Variants in SPATA22 observed in about 807,000 individuals in gnomAD.
SPATA22 encodes spermatogenesis-associated protein 22.
In SPATA22, 29 loss-of-function variants were observed where a neutral mutation model predicts 47.8. The ratio of observed to expected loss-of-function variants is 0.61; its 90% confidence interval spans 0.45 to 0.83. The LOEUF (loss-of-function observed/expected upper bound fraction) is 0.83, where lower values mean the gene tolerates loss of function less well. SPATA22 is among the 40% of genes least tolerant of loss of function. SPATA22 has a pLI of 0.00. For missense variants in SPATA22, 410 were observed against 421.7 expected (o/e 0.97, Z 0.24); for synonymous variants, 133 against 140.9 (o/e 0.94, Z 0.40).
At chr17:3,463,104 A>G (rs2073166436) in intron 3 of SPATA22, among the ~76,000 whole-genome samples, 1 of 152,260 alleles carries the variant, frequency 6.6e-6, no homozygotes, top group Non-Finnish European at 1.5e-5. Context: ...AAAGAAATAC[A>G]TCATAACTCA....
At chr17:3,480,112 AGGCCAGGTGT>A (rs2073601617) in intron 1 of SPATA22, among the ~76,000 whole-genome samples, 1 of 152,180 alleles carries the variant, frequency 6.6e-6, no homozygotes, top group African/African-American at 2.4e-5. Flanking sequence ...ATCTCTAATT[AGGCCAGGTGT>A]GGCTGCTCAT....
intron 5 of SPATA22, among the ~76,000 whole-genome samples, chr17:3,456,999 C>G (rs1372358031): frequency 4.0e-5 from 6 of 151,848 alleles, no homozygotes; most frequent in Admixed American, 1.3e-4. Context: ...AATTCAACAA[C>G]CCTTCATGCT....
intron 1 of SPATA22, among the ~76,000 whole-genome samples, chr17:3,507,787 G>A (rs1017064408): frequency 1.3e-5 from 2 of 152,174 alleles, no homozygotes; most frequent in African/African-American, 4.8e-5. Context: ...AAGGCTGAAC[G>A]CATTGAAGGA....
At chr17:3,443,599 T>C (rs1465928146) in intron 7 of SPATA22, among the ~76,000 whole-genome samples, 1 of 151,960 alleles carries the variant, frequency 6.6e-6, no homozygotes, top group Non-Finnish European at 1.5e-5. Context: ...ATTATAATAA[T>C]AAAATGCACA....
chr17:3,482,686 T>G (rs1031553331), intron 1 of SPATA22, among the ~76,000 whole-genome samples: 15 of 152,194 alleles, frequency 9.9e-5, no homozygotes, highest in African/African-American at 3.4e-4. Flanking sequence ...TGGCCTATAG[T>G]AAAGATTATT....
chr17:3,506,757 T>C (rs2074043875), intron 1 of SPATA22, among the ~76,000 whole-genome samples: 7 of 152,076 alleles, frequency 4.6e-5, no homozygotes, highest in Admixed American at 3.9e-4. Context: ...CTGGCCAACA[T>C]GGTGAAACCC....
chr17:3,469,450 C>A, intron 1 of SPATA22, 52 bp from the exon 2 acceptor site: 1 of 700,754 alleles, frequency 1.4e-6, no homozygotes, highest in Non-Finnish European at 2.3e-6. Context: ...AAAACCCAAT[C>A]CTCAGCCCAG....
Position 3,498,891 on chromosome 17 carries a change from G to A in SPATA22, c.-74+14521C>T, listed in dbSNP as rs772408129. Reference sequence around the variant, plus strand: ...ATTTATTTTGATTGTTTCCTGAGAGGATCAAGACTGGAAACCACTGCATCC... The same window carrying A: ...ATTTATTTTGATTGTTTCCTGAGAGAATCAAGACTGGAAACCACTGCATCC... On this transcript the variant is annotated intron_variant, in intron 1 of 8. Transcript: ENST00000541913. 4 of 1,574,944 alleles carry A rather than the reference G, an allele frequency of 2.5e-6. No homozygotes were observed. Among genetic ancestry groups the A allele is most frequent in the Non-Finnish European group, 3.4e-6 (4 of 1,162,198 alleles).
At chr17:3,473,109 T>TA (rs34905771), upstream of SPATA22, among the ~76,000 whole-genome samples, 3,028 of 129,306 alleles carry the variant, frequency 0.023, 38 homozygotes, top group African/African-American at 0.033. Flanking sequence ...GATTTTTCAT[T>TA]AAAAAAAAAA....
chr17:3,444,543 T>A (rs537628529), intron 7 of SPATA22, among the ~76,000 whole-genome samples: 2 of 152,042 alleles, frequency 1.3e-5, no homozygotes, highest in Non-Finnish European at 2.9e-5. Flanking sequence ...CAGAAGCTTC[T>A]GGAGAGACTA....
intron 5 of SPATA22, among the ~76,000 whole-genome samples, chr17:3,457,518 A>G (rs1013900866): frequency 6.6e-6 from 1 of 152,202 alleles, no homozygotes; most frequent in Admixed American, 6.5e-5. Context: ...GACTCTGAAT[A>G]GCCAAAACAA....
chr17:3,464,033 C>T (rs1289023490), intron 3 of SPATA22, among the ~76,000 whole-genome samples: 1 of 150,830 alleles, frequency 6.6e-6, no homozygotes, highest in African/African-American at 2.4e-5. Context: ...CATGCCAAGC[C>T]GAAGCTGGAC....
chr17:3,467,690 T>G, intron 2 of SPATA22, 136 bp from the exon 3 acceptor site: 1 of 645,720 alleles, frequency 1.5e-6, no homozygotes, highest in Non-Finnish European at 2.3e-6. Flanking sequence ...TTCTATAACC[T>G]TAGAATGATT....
chr17:3,498,465 A>G (rs2073944674), intron 1 of SPATA22, among the ~76,000 whole-genome samples: 1 of 152,006 alleles, frequency 6.6e-6, no homozygotes, highest in Non-Finnish European at 1.5e-5. Context: ...CTCCCACCTC[A>G]GCCTCCTGAG....
intron 1 of SPATA22, among the ~76,000 whole-genome samples, chr17:3,487,630 T>C (rs750195112): frequency 2.0e-5 from 3 of 152,232 alleles, no homozygotes; most frequent in Admixed American, 6.5e-5. Flanking sequence ...TTTGGATATT[T>C]AGCTTACTCT....
Position 3,443,246 on chromosome 17 carries a change from A to G in SPATA22, c.828T>C (p.Pro276=). The stretch of plus-strand genomic sequence containing the variant: ...GAAAAGTCTTCGAATAATATGGGCC[A>G]GGTGTAACAGCTGAATCAAGAACAG... ...VLAVLDSAVT[P]GPYYSKTFLM... The change falls in exon 8 of 9, where the codon CCT becomes CCC. Residue 276 remains proline (P), a synonymous_variant. Transcript: ENST00000572969. The G allele has an allele frequency of 6.2e-7, 1 of 1,610,630 alleles. No homozygotes were observed. Among genetic ancestry groups the G allele is most frequent in the Non-Finnish European group, 8.5e-7 (1 of 1,178,070 alleles).
At chr17:3,463,866 G>A (rs1382025047) in intron 3 of SPATA22, among the ~76,000 whole-genome samples, 3 of 151,674 alleles carry the variant, frequency 2.0e-5, no homozygotes, top group African/African-American at 7.3e-5. Flanking sequence ...TTATACCTCA[G>A]ACTGATTAAT....
At chr17:3,473,156 A>C (rs1306831165), upstream of SPATA22, among the ~76,000 whole-genome samples, 1 of 148,716 alleles carries the variant, frequency 6.7e-6, no homozygotes, top group Non-Finnish European at 1.5e-5. Context: ...TTCTGTAGGG[A>C]CTGCAGACAT....
In SPATA22 at chr17:3,440,126, T is replaced by G; in HGVS notation, c.*21A>C. On this transcript the variant is annotated 3_prime_UTR_variant, in exon 9 of 9. Transcript: ENST00000572969. The stretch of plus-strand genomic sequence containing the variant: ...AACAGAAAACTGCTATAATTTATGC[T>G]AAACTTCCTTTTATCACTACTTAAG... The G allele has an allele frequency of 6.8e-7, 1 of 1,472,470 alleles. No individual in the cohort carries two copies. The highest frequency in any genetic ancestry group is 9.1e-7 in the Non-Finnish European group (1 of 1,100,786). 91.2% of individuals were successfully genotyped at this position (1,472,470 alleles called of 1,614,324 possible). A position where few individuals can be genotyped will look rare whatever the true frequency, so the allele number is the denominator to read the frequency against.
Sources: gnomAD v4.1 joint callset for allele counts (sites outside exome capture counted in the v4.1 genomes callset) on GRCh38, gnomAD v4.1.1 for gene constraint, MANE v1.5 for transcripts, NCBI Gene and HGNC (gene_info 2026-07-23, HGNC 2026-07-21) for gene names.